SLC25A29: variants seen among roughly 807,000 people sequenced by gnomAD.
The protein encoded by SLC25A29 is mitochondrial basic amino acids transporter.
A neutral mutation model predicts 10.0 loss-of-function variants in SLC25A29; 13 were observed. That is an observed-to-expected ratio of 1.30 (90% CI 0.85 to 2.07). SLC25A29 has a LOEUF of 2.07. SLC25A29 is among the 30% of genes most tolerant of loss of function. SLC25A29 has a pLI of 0.00. For synonymous variants in SLC25A29, 244 were observed against 221.1 expected (o/e 1.10, Z -0.92); for missense variants, 475 against 447.6 (o/e 1.06, Z -0.55).
chr14:100,305,092 C>CT (rs1462181974), intron 1 of SLC25A29: 1 of 152,220 alleles, frequency 6.6e-6, no homozygotes. Flanking sequence ...TGCCCCGCAG[C>CT]TTCCCACTGG....
chr14:100,302,965 T>C (rs1595372680), intron 1 of SLC25A29, among the ~76,000 whole-genome samples: 1 of 151,952 alleles, frequency 6.6e-6, no homozygotes, highest in South Asian at 2.1e-4. Context: ...TCAGGGAAAA[T>C]TTCCACTATT....
downstream of SLC25A29, among the ~76,000 whole-genome samples, chr14:100,287,633 C>CG (rs1555371736): frequency 8.8e-5 from 9 of 101,746 alleles, no homozygotes; most frequent in Non-Finnish European, 1.5e-4. Context: ...GCACCACCCC[C>CG]CCCCTCCGAA....
intron 2 of SLC25A29, among the ~76,000 whole-genome samples, chr14:100,297,279 C>A (rs1240744680): frequency 6.6e-6 from 1 of 152,214 alleles, no homozygotes; most frequent in Non-Finnish European, 1.5e-5. Context: ...ATCTCATGGG[C>A]TGGAGAAACT....
chr14:100,295,601 T>A (rs1892088741), intron 2 of SLC25A29: 4 of 1,285,918 alleles, frequency 3.1e-6, no homozygotes, highest in Non-Finnish European at 4.1e-6. Context: ...CAGGCTGGGA[T>A]CTGGTTCACC....
At chr14:100,283,324 T>C in the SLC25A29 span, among the ~76,000 whole-genome samples, 1 of 152,130 alleles carries the variant, frequency 6.6e-6, no homozygotes. Flanking sequence ...TTTTTGCTAG[T>C]GACAGAAGGG....
intron 2 of SLC25A29, chr14:100,293,700 G>T (rs1181276948): frequency 1.4e-5 from 4 of 283,808 alleles, no homozygotes; most frequent in Non-Finnish European, 2.7e-5. Context: ...GACCTCCTGA[G>T]ACTGGCCCGT....
chr14:100,282,979 A>T, the SLC25A29 span, among the ~76,000 whole-genome samples: 3 of 152,188 alleles, frequency 2.0e-5, no homozygotes, highest in South Asian at 4.1e-4. Flanking sequence ...ACCAGCAAGA[A>T]ATGCTTCTGT....
intron 1 of SLC25A29, chr14:100,305,644 GC>G (rs1370533032): frequency 6.3e-5 from 2 of 31,854 alleles, no homozygotes; most frequent in Non-Finnish European, 1.3e-4. Context: ...CCCCCCTTCC[GC>G]CCCCAACAGC....
intron 1 of SLC25A29, chr14:100,299,178 C>T (rs1352769564): frequency 2.3e-6 from 3 of 1,305,460 alleles, no homozygotes; most frequent in Admixed American, 3.7e-5. Flanking sequence ...GGGTGGCTGA[C>T]AGCAGAAGTT....
intron 2 of SLC25A29, 135 bp from the exon 3 acceptor site, chr14:100,293,512 T>G: frequency 2.9e-6 from 2 of 680,862 alleles, no homozygotes; most frequent in Non-Finnish European, 5.0e-6. Flanking sequence ...CTTTTGTAAT[T>G]CCAGGGCAGG....
the SLC25A29 span, chr14:100,282,418 A>G: frequency 6.6e-6 from 1 of 152,136 alleles, no homozygotes; most frequent in African/African-American, 2.4e-5. Flanking sequence ...GGAGAAAGGC[A>G]TCAGTACCAA....
intron 2 of SLC25A29, chr14:100,294,797 T>C (rs994629456): frequency 2.6e-5 from 4 of 152,162 alleles, no homozygotes; most frequent in African/African-American, 9.7e-5. Flanking sequence ...TTATAAAAAA[T>C]GTTTTGTTAG....
At chr14:100,290,363 A>C (rs1464040206), downstream of SLC25A29, among the ~76,000 whole-genome samples, 1 of 152,192 alleles carries the variant, frequency 6.6e-6, no homozygotes, top group Admixed American at 6.5e-5. Flanking sequence ...TTTCAGAGTA[A>C]AGAGAAGCGA....
downstream of SLC25A29, among the ~76,000 whole-genome samples, chr14:100,288,669 C>T (rs1358473619): frequency 2.6e-5 from 4 of 151,846 alleles, no homozygotes; most frequent in African/African-American, 4.8e-5. Flanking sequence ...TCTGTGGCCC[C>T]GTCCGCTGCT....
At chr14:100,283,196 C>G in the SLC25A29 span, among the ~76,000 whole-genome samples, 1 of 152,232 alleles carries the variant, frequency 6.6e-6, no homozygotes, top group Non-Finnish European at 1.5e-5. Context: ...TAGCCAAAAG[C>G]AAAATGCAGA....
At chr14:100,293,176 C>A in intron 3 of SLC25A29, 118 bp downstream of exon 3, 1 of 1,464,016 alleles carries the variant, frequency 6.8e-7, no homozygotes, top group Non-Finnish European at 9.2e-7. Flanking sequence ...TAGGTCCTGA[C>A]TGGCCTCCTG....
In SLC25A29 at chr14:100,291,938, A is replaced by G. The variant is rs1891725356; in HGVS notation, c.*345T>C. 1 of 336,352 alleles carries G rather than the reference A, an allele frequency of 3.0e-6. No homozygotes were observed. The highest frequency in any genetic ancestry group is 5.6e-6 in the Non-Finnish European group (1 of 179,694). The allele number at this position is 336,352 out of a possible 1,614,324, so 20.8% of individuals were successfully genotyped here. On this transcript the variant is annotated 3_prime_UTR_variant, in exon 4 of 4. Coordinates refer to ENST00000359232, the MANE Select transcript of SLC25A29 (RefSeq NM_001039355.3). The stretch of plus-strand genomic sequence containing the variant: ...AGCCAGCCTGCAGGGCAGGAGCACA[A>G]TGACGTGGCCAGGATCCCAGAAAGG...
chr14:100,306,172 G>C, intron 1 of SLC25A29, 27 bp downstream of exon 1: 2 of 1,434,998 alleles, frequency 1.4e-6, no homozygotes, highest in Non-Finnish European at 9.2e-7. Context: ...CCTCGCCCCG[G>C]CCCGGCCCGG....
the SLC25A29 span, among the ~76,000 whole-genome samples, chr14:100,285,619 G>A: frequency 6.6e-6 from 1 of 152,112 alleles, no homozygotes; most frequent in East Asian, 1.9e-4. Flanking sequence ...CAGGGCCACG[G>A]GGGCGCGGAG....
Sources: gnomAD v4.1 joint callset for allele counts (sites outside exome capture counted in the v4.1 genomes callset) on GRCh38, gnomAD v4.1.1 for gene constraint, MANE v1.5 for transcripts, NCBI Gene and HGNC (gene_info 2026-07-23, HGNC 2026-07-21) for gene names.